The following TSPAN11 variants were observed in gnomAD, a reference collection of about 807,000 sequenced individuals.
TSPAN11 encodes the protein tetraspanin-11.
Under a neutral mutation model 32.9 loss-of-function variants are expected in TSPAN11, and 29 were observed. That is an observed-to-expected ratio of 0.88 (90% confidence interval 0.66 to 1.20). The LOEUF (loss-of-function observed/expected upper bound fraction) is 1.20. Among genes scored for constraint, TSPAN11 ranks in the 50% most tolerant of loss-of-function variants. The pLI, the probability that TSPAN11 is intolerant of heterozygous loss-of-function variation, is 0.00. For synonymous variants in TSPAN11, 140 were observed against 141.3 expected, an observed-to-expected ratio of 0.99 and a Z score of 0.07; for missense variants, 283 against 329.1, an observed-to-expected ratio of 0.86 and a Z score of 1.08.
intron 1 of TSPAN11, among the ~76,000 whole-genome samples, chr12:30,951,300 TGTC>T (rs1373417024): frequency 6.6e-6 from 1 of 152,236 alleles, no homozygotes; most frequent in Admixed American, 6.5e-5. Context: ...TGGGAAATGT[TGTC>T]TGTTCCAGGT....
the TSPAN11 span, among the ~76,000 whole-genome samples, chr12:31,004,605 A>C: frequency 1.3e-5 from 2 of 152,166 alleles, no homozygotes; most frequent in Admixed American, 6.5e-5. Context: ...ATGGCTTCCC[A>C]ACCCAGAAGC....
chr12:31,002,793 G>A, the TSPAN11 span, among the ~76,000 whole-genome samples: 4 of 152,184 alleles, frequency 2.6e-5, no homozygotes, highest in African/African-American at 9.7e-5. The surrounding 1 kb of genome is among the most constrained non-coding windows in gnomAD (Gnocchi z 4.8). Flanking sequence ...AAAACCTGGA[G>A]GGATGGCCAT....
At chr12:30,996,800 TCTC>T (rs1442311635), downstream of TSPAN11, among the ~76,000 whole-genome samples, 2 of 152,208 alleles carry the variant, frequency 1.3e-5, no homozygotes, top group Non-Finnish European at 2.9e-5. Context: ...TGAACTGACT[TCTC>T]CTGCTCACAA....
chr12:30,945,253 G>T (rs1389794610), intron 1 of TSPAN11, among the ~76,000 whole-genome samples: 1 of 152,046 alleles, frequency 6.6e-6, no homozygotes, highest in Non-Finnish European at 1.5e-5. Flanking sequence ...ACACAGGCCA[G>T]CATCTTGAAA....
chr12:30,957,061 G>A (rs1938492856), intron 2 of TSPAN11, among the ~76,000 whole-genome samples: 1 of 152,230 alleles, frequency 6.6e-6, no homozygotes. Context: ...AGGAGTCAGG[G>A]AGGCCGTGGG....
chr12:30,990,109 C>A (rs556838526), intron 7 of TSPAN11, among the ~76,000 whole-genome samples: 8 of 152,198 alleles, frequency 5.3e-5, no homozygotes, highest in African/African-American at 1.9e-4. Context: ...GCATCCTGTA[C>A]CCTCCACATG....
Position 30,934,831 on chromosome 12 carries a change from A to C in TSPAN11, c.-12+8035A>C, listed in dbSNP as rs562759333. Reference sequence around the variant, plus strand: ...ACTTTCTCAGTATACAGATAAAGACACTGAGTCACAGAGAGGGTCAGTGAC... The same window carrying C: ...ACTTTCTCAGTATACAGATAAAGACCCTGAGTCACAGAGAGGGTCAGTGAC... On this transcript the variant is annotated intron_variant, in intron 1 of 7. Coordinates refer to ENST00000546076, the MANE Select transcript of TSPAN11 (RefSeq NM_001370302.1). Among the ~76,000 whole-genome samples the C allele has an allele frequency of 2.6e-5, 4 of 152,228 alleles. No individual in the cohort carries two copies. In the South Asian group the frequency reaches 8.3e-4, roughly 32 times the overall value.
intron 1 of TSPAN11, among the ~76,000 whole-genome samples, chr12:30,937,432 G>A (rs536531011): frequency 2.6e-5 from 4 of 152,046 alleles, no homozygotes; most frequent in Admixed American, 6.6e-5. Flanking sequence ...CGTACTTTTG[G>A]GGGGGCGGCA....
At chr12:30,930,590 C>A (rs2140266936) in intron 1 of TSPAN11, among the ~76,000 whole-genome samples, 1 of 152,336 alleles carries the variant, frequency 6.6e-6, no homozygotes, top group East Asian at 1.9e-4. Context: ...GAGGAAATGA[C>A]CTCAACTCGT....
At chr12:30,939,817 T>G (rs1038829309) in intron 1 of TSPAN11, among the ~76,000 whole-genome samples, 1 of 152,110 alleles carries the variant, frequency 6.6e-6, no homozygotes, top group Non-Finnish European at 1.5e-5. Context: ...GTCTCACTCC[T>G]CTAAGGAAGG....
intron 2 of TSPAN11, chr12:30,955,334 A>G (rs1938457790): frequency 6.6e-6 from 1 of 152,194 alleles, no homozygotes; most frequent in African/African-American, 2.4e-5. Flanking sequence ...AGCTGTGTTG[A>G]TATGGATAGT....
intron 1 of TSPAN11, among the ~76,000 whole-genome samples, chr12:30,933,977 T>C (rs1446684404): frequency 1.3e-5 from 2 of 152,176 alleles, no homozygotes; most frequent in Non-Finnish European, 2.9e-5. Context: ...TAAGTAGAGA[T>C]GCCTATGGGC....
the TSPAN11 span, among the ~76,000 whole-genome samples, chr12:31,003,655 G>A: frequency 6.6e-6 from 1 of 152,188 alleles, no homozygotes; most frequent in Non-Finnish European, 1.5e-5. Context: ...GTCCCACTGG[G>A]TGACTTGAGC....
At chr12:30,941,028 T>C (rs912912717) in intron 1 of TSPAN11, among the ~76,000 whole-genome samples, 7 of 152,126 alleles carry the variant, frequency 4.6e-5, no homozygotes, top group African/African-American at 1.7e-4. Flanking sequence ...CGTGGAAAAA[T>C]TGTCTTCCAC....
At chr12:30,973,306 C>T (rs576853802) in intron 3 of TSPAN11, among the ~76,000 whole-genome samples, 40 of 152,280 alleles carry the variant, frequency 2.6e-4, no homozygotes, top group Non-Finnish European at 4.6e-4. Context: ...TACTCATCTC[C>T]AAGCGTGGAC....
At chr12:30,971,216 T>C (rs1218427636) in intron 3 of TSPAN11, among the ~76,000 whole-genome samples, 1 of 152,214 alleles carries the variant, frequency 6.6e-6, no homozygotes, top group Non-Finnish European at 1.5e-5. Context: ...TCTCTAATTA[T>C]TCAGAATGGC....
At chr12:30,952,108 G>T (rs1490932742) in intron 1 of TSPAN11, among the ~76,000 whole-genome samples, 1 of 152,110 alleles carries the variant, frequency 6.6e-6, no homozygotes, top group Non-Finnish European at 1.5e-5. Flanking sequence ...CCTTTAGAGG[G>T]CAGGGCCCTG....
In TSPAN11 at chr12:30,994,574, C is replaced by G. The variant is rs1413224694; in HGVS notation, c.*2659C>G. 1 of 152,208 alleles carries G rather than the reference C, an allele frequency of 6.6e-6. No homozygotes were observed. Among genetic ancestry groups the G allele is most frequent in the African/African-American group, 2.4e-5 (1 of 41,448 alleles). 9.4% of individuals were successfully genotyped at this position (152,208 alleles called of 1,614,324 possible). A position where few individuals can be genotyped will look rare whatever the true frequency, so the allele number is the denominator to read the frequency against. On this transcript the variant is annotated 3_prime_UTR_variant, in exon 8 of 8. Transcript: ENST00000546076. ...GGGTGACCTGTGTCAGGACAGCAGGCAAGAATGAAACGTGGCCTTGGCTGA... is the reference window on the plus strand; with the variant it reads ...GGGTGACCTGTGTCAGGACAGCAGGGAAGAATGAAACGTGGCCTTGGCTGA...
At chr12:30,948,800 G>C (rs1938321256) in intron 1 of TSPAN11, among the ~76,000 whole-genome samples, 2 of 152,208 alleles carry the variant, frequency 1.3e-5, no homozygotes, top group Admixed American at 6.5e-5. Flanking sequence ...AATTTCTGCA[G>C]CTGGCTTGGA....
Sources: gnomAD v4.1 joint callset for allele counts (sites outside exome capture counted in the v4.1 genomes callset) on GRCh38, gnomAD v4.1.1 for gene constraint, Gnocchi (gnomAD v3.1) non-coding constraint, MANE v1.5 for transcripts, NCBI Gene and HGNC (gene_info 2026-07-23, HGNC 2026-07-21) for gene names.